The following DNAH12 variants were observed in gnomAD, a reference collection of about 807,000 sequenced individuals.
The protein encoded by DNAH12 is axonemal beta dynein heavy chain 12.
In DNAH12, 285 loss-of-function variants were observed where a neutral mutation model predicts 371.5. The ratio of observed to expected loss-of-function variants is 0.77; its 90% CI spans 0.70 to 0.85. The LOEUF (loss-of-function observed/expected upper bound fraction) is 0.85, where lower values mean the gene tolerates loss of function less well. Ranked by LOEUF, DNAH12 falls within the 40% of genes least tolerant of loss-of-function variation. DNAH12 has a pLI of 0.00. For synonymous variants in DNAH12, 1,200 were observed against 1,213.0 expected, an observed-to-expected ratio of 0.99 and a Z score of 0.22; for missense variants, 3,611 against 3,689.4, an observed-to-expected ratio of 0.98 and a Z score of 0.55.
chr3:57,543,871 A>AC (rs1230930754), intron 1 of DNAH12, among the ~76,000 whole-genome samples: 2 of 150,988 alleles, frequency 1.3e-5, no homozygotes, highest in African/African-American at 2.4e-5. Flanking sequence ...ACATGGTGAA[A>AC]CCCCATCTCT....
At position 57,489,618 on chromosome 3, in the gene DNAH12, C is replaced by G. The variant is rs1481050815; in HGVS notation, c.1405G>C (p.Val469Leu). 6.5e-7 allele frequency: 1 copy of G among 1,542,500 alleles called. No individual in the cohort carries two copies. The highest frequency in any genetic ancestry group is 1.2e-5 in the South Asian group (1 of 81,772). Reference protein sequence around the residue: ...LLPQWIHYTMVRLDCEDLKTG... With the variant: ...LLPQWIHYTMLRLDCEDLKTG... ...TTCAAATCTTCACAATCCAAACGCA[C>G]CATAGTGTAATGAATCCACTGAGGC... The change falls in exon 12 of 74, where the codon GTG becomes CTG. Residue 469 changes from valine (V) to leucine (L), a missense_variant. Val to Leu is a conservative substitution (Grantham distance 32). This residue lies in a region of DNAH12 where 1,314 missense variants were observed against 1,398.7 expected (regional missense o/e 0.94). Coordinates refer to ENST00000495027, the MANE Select transcript of DNAH12 (RefSeq NM_001366028.2).
Position 57,446,664 on chromosome 3 carries a change from C to T in DNAH12, c.3812G>A (p.Gly1271Glu). The T allele has an allele frequency of 6.5e-7, 1 of 1,528,732 alleles. No individual in the cohort carries two copies. Among genetic ancestry groups the T allele is most frequent in the Non-Finnish European group, 8.8e-7 (1 of 1,137,820 alleles). The allele number at this position is 1,528,732 out of a possible 1,614,324, so 94.7% of individuals were successfully genotyped here. The change falls in exon 26 of 74, where the codon GGA becomes GAA. Residue 1271 changes from glycine (G) to glutamate (E), a missense_variant. Coordinates refer to ENST00000495027, the MANE Select transcript of DNAH12 (RefSeq NM_001366028.2). ...TLIGAFYLNL[G>E]GAPEGPAGTG... ...GCCTGCTGGCCCCTCTGGAGCACCT[C>T]CAAGGTTTAAATAGAAAGCACCTAT...
rs1575420227 is a variant in DNAH12, at chr3:57,302,532, TATATATATATATATATA to T, written c.11190-610_11190-594del. ...TGAATTAACTAAGGCATCAGGTGTA[TATATATATATATATATA>T]TATATATATATATATGTATTTTTTT... On this transcript the variant is annotated intron_variant, in intron 69 of 73. Transcript: ENST00000495027. 6.6e-4 allele frequency among the ~76,000 whole-genome samples: 25 copies of T among 37,860 alleles called. 1 individual carries two copies. The East Asian group carries it at 0.011, about 17-fold the overall frequency. 24.8% of individuals were successfully genotyped at this position (37,860 alleles called of 152,430 possible). A position where few individuals can be genotyped will look rare whatever the true frequency, so the allele number is the denominator to read the frequency against.
intron 39 of DNAH12, among the ~76,000 whole-genome samples, chr3:57,413,111 A>G (rs1014234327): frequency 6.6e-6 from 1 of 152,256 alleles, no homozygotes; most frequent in African/African-American, 2.4e-5. Flanking sequence ...AGTGCTAAAA[A>G]GAAATGAGCT....
intron 43 of DNAH12, among the ~76,000 whole-genome samples, chr3:57,401,421 G>A (rs1400964535): frequency 2.0e-5 from 3 of 149,682 alleles, no homozygotes; most frequent in African/African-American, 4.9e-5. Flanking sequence ...AAAATTATCC[G>A]GGCATGGCAG....
In DNAH12 at chr3:57,514,679, A is replaced by C. The variant is rs141159343; in HGVS notation, c.280-3700T>G. 6.1e-3 allele frequency among the ~76,000 whole-genome samples: 925 copies of C among 152,264 alleles called. 8 individuals are homozygous for C. Among genetic ancestry groups the C allele is most frequent in the African/African-American group, 0.021 (886 of 41,550 alleles). ...AACCTTGCTGTTGTTTTACCTGCTCAAAGTATAAGTAAAAAATATCATCAT... is the reference window on the plus strand; with the variant it reads ...AACCTTGCTGTTGTTTTACCTGCTCCAAGTATAAGTAAAAAATATCATCAT... On this transcript the variant is annotated intron_variant, in intron 4 of 73. Transcript: ENST00000495027.
At chr3:57,431,907 AATC>A (rs2064967035) in intron 32 of DNAH12, among the ~76,000 whole-genome samples, 2 of 152,182 alleles carry the variant, frequency 1.3e-5, no homozygotes, top group Admixed American at 1.3e-4. Flanking sequence ...AGAAAAGAGA[AATC>A]ATCACAAGGA....
intron 55 of DNAH12, among the ~76,000 whole-genome samples, chr3:57,371,774 AAAAGATACATT>A (rs1352268960): frequency 3.1e-5 from 4 of 127,154 alleles, no homozygotes; most frequent in South Asian, 2.6e-4. Flanking sequence ...CAGAGGGAAA[AAAAGATACATT>A]ACATAAAGAG....
intron 36 of DNAH12, among the ~76,000 whole-genome samples, chr3:57,419,744 T>C (rs1407823941): frequency 6.6e-6 from 1 of 152,202 alleles, no homozygotes; most frequent in East Asian, 1.9e-4. Flanking sequence ...ATATATTTTT[T>C]CAATTTTCAT....
chr3:57,487,323 AAGGGAGGG>A (rs201041126), intron 12 of DNAH12, among the ~76,000 whole-genome samples: 172 of 103,616 alleles, frequency 1.7e-3, no homozygotes, highest in African/African-American at 6.7e-3. Context: ...GAGAGAGAGA[AAGGGAGGG>A]AGGGAGGGAG....
intron 58 of DNAH12, among the ~76,000 whole-genome samples, chr3:57,361,315 C>T (rs2062922403): frequency 1.3e-5 from 2 of 151,518 alleles, no homozygotes; most frequent in Non-Finnish European, 2.9e-5. Flanking sequence ...CGCCACTGCA[C>T]TCCAGCCTGG....
intron 17 of DNAH12, among the ~76,000 whole-genome samples, chr3:57,466,569 C>T (rs1196669920): frequency 6.6e-6 from 1 of 152,156 alleles, no homozygotes; most frequent in East Asian, 1.9e-4. Flanking sequence ...TGTTCTTATT[C>T]TCTCTTTATA....
chr3:57,348,395 G>A (rs1244835746), intron 60 of DNAH12, among the ~76,000 whole-genome samples: 1 of 152,110 alleles, frequency 6.6e-6, no homozygotes, highest in Non-Finnish European at 1.5e-5. Context: ...AGGATTTTTA[G>A]AGCAGTGAAA....
intron 42 of DNAH12, among the ~76,000 whole-genome samples, chr3:57,403,745 CAAATA>C (rs1356191341): frequency 6.6e-6 from 1 of 152,010 alleles, no homozygotes; most frequent in Non-Finnish European, 1.5e-5. Flanking sequence ...ACAAGTTATA[CAAATA>C]AAATGAAATA....
intron 57 of DNAH12, among the ~76,000 whole-genome samples, chr3:57,365,442 A>T (rs2063029619): frequency 6.6e-6 from 1 of 152,122 alleles, no homozygotes; most frequent in Non-Finnish European, 1.5e-5. Flanking sequence ...GGAACAACAC[A>T]CACTGGGGCC....
chr3:57,344,390 C>G (rs1023798566), intron 60 of DNAH12, among the ~76,000 whole-genome samples: 1 of 152,154 alleles, frequency 6.6e-6, no homozygotes, highest in Non-Finnish European at 1.5e-5. Flanking sequence ...GGAGGTTCCT[C>G]AAAAACTACA....
intron 62 of DNAH12, among the ~76,000 whole-genome samples, chr3:57,326,456 A>G (rs934484427): frequency 6.6e-6 from 1 of 152,216 alleles, no homozygotes; most frequent in Non-Finnish European, 1.5e-5. Flanking sequence ...ATCCAGCCAA[A>G]CTAAGCTTCA....
intron 2 of DNAH12, among the ~76,000 whole-genome samples, chr3:57,534,701 GT>G (rs1441743482): frequency 6.6e-6 from 1 of 152,096 alleles, no homozygotes; most frequent in African/African-American, 2.4e-5. Context: ...TAGAGATGGG[GT>G]TTCACCATAT....
intron 58 of DNAH12, among the ~76,000 whole-genome samples, chr3:57,358,413 C>CA (rs1375960713): frequency 7.5e-6 from 1 of 133,942 alleles, no homozygotes; most frequent in Non-Finnish European, 1.7e-5. Context: ...GAGGAAGAGA[C>CA]AGAGAGTACA....
Sources: allele counts gnomAD v4.1 joint callset (sites outside exome capture counted in the v4.1 genomes callset), GRCh38; gene constraint gnomAD v4.1.1; regional missense constraint gnomAD v4.1.1; transcripts MANE v1.5; gene names NCBI Gene and HGNC (gene_info 2026-07-23, HGNC 2026-07-21).